SAXO1: variants seen among roughly 807,000 people sequenced by gnomAD.
SAXO1 encodes stabilizer of axonemal microtubules 1.
A neutral mutation model predicts 17.5 loss-of-function variants in SAXO1; 21 were observed. The ratio of observed to expected loss-of-function variants is 1.20; its 90% confidence interval spans 0.85 to 1.72. The LOEUF (loss-of-function observed/expected upper bound fraction) is 1.72. SAXO1 is among the 40% of genes most tolerant of loss of function. SAXO1 has a pLI of 0.00. For missense variants in SAXO1, 843 were observed against 596.0 expected, an observed-to-expected ratio of 1.41 and a Z score of -4.32; for synonymous variants, 274 against 216.5, an observed-to-expected ratio of 1.27 and a Z score of -2.33.
chr9:18,952,254 T>C (rs746508178), intron 1 of SAXO1, among the ~76,000 whole-genome samples: 1 of 152,190 alleles, frequency 6.6e-6, no homozygotes, highest in East Asian at 1.9e-4. Context: ...GCTACCTTCA[T>C]GAATGGCATA....
chr9:19,019,736 A>G (rs1210381151), intron 1 of SAXO1, among the ~76,000 whole-genome samples: 2 of 152,114 alleles, frequency 1.3e-5, no homozygotes, highest in Admixed American at 6.6e-5. Flanking sequence ...TCAAAAGAAA[A>G]AAGAAAGAAA....
At chr9:18,952,003 A>G (rs575899548) in intron 1 of SAXO1, among the ~76,000 whole-genome samples, 1 of 152,374 alleles carries the variant, frequency 6.6e-6, no homozygotes, top group South Asian at 2.1e-4. Context: ...GATAAATAGT[A>G]TTTAGCAGTT....
At position 18,928,162 on chromosome 9, in the gene SAXO1, C is replaced by T. The variant is rs139983680; in HGVS notation, c.1315G>A (p.Gly439Ser). Residue 439 changes from glycine to serine, a missense_variant, in exon 4 of 4, where the codon GGT (glycine) becomes AGT (serine). By Grantham distance (56) the Gly-to-Ser change is moderately conservative. Transcript: ENST00000380534. ...GYTFEEVDAL[G>S]HRIYKPVSQA... is the part of the protein sequence containing the mutation. ...GAAACTGGTTTGTATATCCTGTGAC[C>T]CAAAGCATCCACTTCCTCAAAGGTG... The T allele has an allele frequency of 1.9e-6, 3 of 1,614,022 alleles. No individual in the cohort carries two copies. The highest frequency in any genetic ancestry group is 2.7e-5 in the African/African-American group (2 of 74,900).
chr9:19,014,880 G>C (rs187460848), intron 1 of SAXO1, among the ~76,000 whole-genome samples: 3 of 152,132 alleles, frequency 2.0e-5, no homozygotes, highest in Non-Finnish European at 2.9e-5. Context: ...AGGAAGTCAA[G>C]ACCAATAAAC....
chr9:19,019,290 G>C (rs746382403), intron 1 of SAXO1, among the ~76,000 whole-genome samples: 2 of 151,956 alleles, frequency 1.3e-5, no homozygotes, highest in East Asian at 1.9e-4. Context: ...ATTAAGAAAA[G>C]AAAAAAGGCT....
intron 2 of SAXO1, among the ~76,000 whole-genome samples, chr9:18,948,300 T>C (rs570746172): frequency 7.9e-5 from 12 of 152,332 alleles, no homozygotes; most frequent in Admixed American, 2.6e-4. Flanking sequence ...AGAACACAGA[T>C]GTCTTCTACT....
rs1262086918 is a variant in SAXO1 at position 19,027,266 on chromosome 9, T to C, written c.38+5605A>G. ...TCCTACCTGTGATTGGATTGGTGGATGTTGAAAAGCTAAAGCCAGGAGACC... is the reference window on the plus strand; with the variant it reads ...TCCTACCTGTGATTGGATTGGTGGACGTTGAAAAGCTAAAGCCAGGAGACC... On this transcript the variant is annotated intron_variant, in intron 1 of 3. Transcript: ENST00000380534. 8 of 1,000,736 alleles carry C rather than the reference T, an allele frequency of 8.0e-6. No individual in the cohort carries two copies. The East Asian group carries it at 1.7e-4, about 21-fold the overall frequency. 62.0% of individuals were successfully genotyped at this position (1,000,736 alleles called of 1,614,324 possible).
intron 1 of SAXO1, among the ~76,000 whole-genome samples, chr9:18,974,502 T>C (rs1448295303): frequency 2.6e-5 from 4 of 152,032 alleles, no homozygotes; most frequent in African/African-American, 9.7e-5. Context: ...AGGGTTGAGG[T>C]AGAGAAATAC....
chr9:18,994,361 G>A (rs1212815092), intron 1 of SAXO1, among the ~76,000 whole-genome samples: 1 of 152,336 alleles, frequency 6.6e-6, no homozygotes, highest in African/African-American at 2.4e-5. Flanking sequence ...CTTAGGATCT[G>A]TCCGGCATTT....
At chr9:18,936,378 C>A (rs1831291886) in intron 3 of SAXO1, among the ~76,000 whole-genome samples, 1 of 152,140 alleles carries the variant, frequency 6.6e-6, no homozygotes, top group East Asian at 1.9e-4. Context: ...CCCCCAGACT[C>A]CTGGCCTTGC....
intron 1 of SAXO1, among the ~76,000 whole-genome samples, chr9:19,046,501 G>C (rs1216182073): frequency 6.6e-6 from 1 of 152,086 alleles, no homozygotes; most frequent in African/African-American, 2.4e-5. Flanking sequence ...TTCGAGACCA[G>C]CCTGACCAAC....
chr9:18,950,784 T>A lies in SAXO1; in HGVS notation c.192A>T (p.Ile64=), dbSNP rs754107981. 3 of 1,613,676 alleles carry A rather than the reference T, an allele frequency of 1.9e-6. No individual in the cohort carries two copies. Among genetic ancestry groups the A allele is most frequent in the Non-Finnish European group, 2.5e-6 (3 of 1,179,620 alleles). ...KPRREYQKGP[I]PMEGLTTSRR... is the part of the protein sequence containing the mutation. ...TTGATGTAGTCAGGCCTTCCATTGG[T>A]ATAGGCCCTTTCTGGTACTCCCGCC... Residue 64 remains isoleucine (I), a synonymous_variant, in exon 2 of 4, where the codon ATA becomes ATT. Transcript: ENST00000380534.
chr9:19,023,170 T>G (rs1588550356), intron 1 of SAXO1, among the ~76,000 whole-genome samples: 1 of 86,292 alleles, frequency 1.2e-5, no homozygotes, highest in South Asian at 4.4e-4. Flanking sequence ...CCACCGGAGT[T>G]AATTCTCTGC....
intron 1 of SAXO1, among the ~76,000 whole-genome samples, chr9:18,962,390 C>G (rs755015762): frequency 1.3e-5 from 2 of 152,180 alleles, no homozygotes; most frequent in Non-Finnish European, 2.9e-5. Flanking sequence ...TTGCATTTCT[C>G]TAATGACCAG....
At chr9:18,961,321 C>A (rs1477649820) in intron 1 of SAXO1, among the ~76,000 whole-genome samples, 1 of 152,008 alleles carries the variant, frequency 6.6e-6, no homozygotes. Flanking sequence ...CAGGCATGTG[C>A]CACCACGCCT....
chr9:18,987,022 C>T (rs976286446), intron 1 of SAXO1, among the ~76,000 whole-genome samples: 1 of 152,126 alleles, frequency 6.6e-6, no homozygotes, highest in African/African-American at 2.4e-5. Flanking sequence ...TCAGATGATT[C>T]CTTGGAACAA....
intron 1 of SAXO1, among the ~76,000 whole-genome samples, chr9:18,987,506 G>C (rs568570371): frequency 6.6e-6 from 1 of 152,300 alleles, no homozygotes; most frequent in African/African-American, 2.4e-5. Flanking sequence ...CTTTCGATGT[G>C]ATTTCCTCAG....
intron 3 of SAXO1, among the ~76,000 whole-genome samples, chr9:18,935,252 C>T (rs1219778875): frequency 6.6e-6 from 1 of 152,138 alleles, no homozygotes; most frequent in Admixed American, 6.5e-5. Context: ...TAGTGGTCAG[C>T]CAATGATTGG....
At chr9:19,015,889 C>T (rs569331398) in intron 1 of SAXO1, among the ~76,000 whole-genome samples, 1 of 152,186 alleles carries the variant, frequency 6.6e-6, no homozygotes, top group South Asian at 2.1e-4. Context: ...ATCTGAATCA[C>T]CAAAGTTGTT....
Sources: allele counts gnomAD v4.1 joint callset (sites outside exome capture counted in the v4.1 genomes callset), GRCh38; gene constraint gnomAD v4.1.1; transcripts MANE v1.5; gene names NCBI Gene and HGNC (gene_info 2026-07-23, HGNC 2026-07-21).